The following GALNT2 variants were observed in gnomAD, a reference collection of about 807,000 sequenced individuals.
GALNT2 encodes the protein polypeptide N-acetylgalactosaminyltransferase 2.
Under a neutral mutation model 81.4 loss-of-function variants are expected in GALNT2, and 31 were observed. That is an observed-to-expected ratio of 0.38 (90% CI 0.29 to 0.51). The LOEUF is 0.51. Ranked by LOEUF, GALNT2 falls within the 20% of genes least tolerant of loss-of-function variation. The pLI is 0.87. For synonymous variants in GALNT2, 303 were observed against 287.4 expected (o/e 1.05, Z -0.55); for missense variants, 629 against 765.7 (o/e 0.82, Z 2.11).
intron 3 of GALNT2, among the ~76,000 whole-genome samples, chr1:230,227,542 TATATGCTATATAATACAGCC>T (rs1664752740): frequency 1.3e-5 from 2 of 150,384 alleles, no homozygotes; most frequent in African/African-American, 4.9e-5. Context: ...GCTATATATA[TATATGCTATATAATACAGCC>T]ATATATATAT....
chr1:230,246,150 G>A lies in GALNT2; in HGVS notation c.817G>A (p.Gly273Ser). Residue 273 changes from glycine (G) to serine (S), a missense_variant and splice_region_variant, in exon 8 of 16, where the codon GGT becomes AGT. This residue lies in a region of GALNT2 where 360 missense variants were observed against 492.8 expected (regional missense o/e 0.73). Transcript: ENST00000366672. Reference protein sequence around the residue: ...YVGASADLKGGFDWNLVFKWD... With the variant: ...YVGASADLKGSFDWNLVFKWD... Reference sequence around the variant, plus strand: ...GGGGGCATCTGCTGACTTGAAGGGCGGTAGGTGTCTGTCATGGTGCCCCTG... The same window carrying A: ...GGGGGCATCTGCTGACTTGAAGGGCAGTAGGTGTCTGTCATGGTGCCCCTG... 4 of 1,611,990 alleles carry A rather than the reference G, an allele frequency of 2.5e-6. No homozygotes were observed. Among genetic ancestry groups the A allele is most frequent in the South Asian group, 1.1e-5 (1 of 91,022 alleles).
At chr1:230,165,530 A>G (rs1376966988) in intron 1 of GALNT2, among the ~76,000 whole-genome samples, 2 of 152,228 alleles carry the variant, frequency 1.3e-5, no homozygotes, top group African/African-American at 4.8e-5. Context: ...GTCGCTTTCT[A>G]GTTCTTGATG....
intron 3 of GALNT2, among the ~76,000 whole-genome samples, chr1:230,232,823 AG>A (rs1274918333): frequency 6.6e-6 from 1 of 152,346 alleles, no homozygotes; most frequent in East Asian, 1.9e-4. Flanking sequence ...TCTACTTGTC[AG>A]GAAAGACTTA....
intron 3 of GALNT2, among the ~76,000 whole-genome samples, chr1:230,223,667 C>T (rs973782411): frequency 2.0e-5 from 3 of 152,110 alleles, no homozygotes; most frequent in African/African-American, 4.8e-5. Context: ...GACAGGGTTT[C>T]GCCATATTGG....
chr1:230,158,118 C>T (rs1040622872), intron 1 of GALNT2, among the ~76,000 whole-genome samples: 1 of 152,104 alleles, frequency 6.6e-6, no homozygotes, highest in Admixed American at 6.5e-5. Flanking sequence ...AACTGTGACT[C>T]CAGAGGCATT....
intron 1 of GALNT2, among the ~76,000 whole-genome samples, chr1:230,153,797 C>T (rs1662163601): frequency 6.6e-6 from 1 of 152,306 alleles, no homozygotes; most frequent in Middle Eastern, 3.4e-3. Flanking sequence ...GGCCTCCTGG[C>T]GTGGCCTCGG....
At chr1:230,187,582 A>C (rs1663375150) in intron 2 of GALNT2, among the ~76,000 whole-genome samples, 1 of 152,202 alleles carries the variant, frequency 6.6e-6, no homozygotes, top group African/African-American at 2.4e-5. Flanking sequence ...CAGATGACTT[A>C]AGTGTTAGCT....
At position 230,131,124 on chromosome 1, in the gene GALNT2, G is replaced by GT. The variant is rs570921675; in HGVS notation, c.127-47084dup. Among the ~76,000 whole-genome samples, 660 of 148,278 alleles carry GT rather than the reference G, an allele frequency of 4.5e-3. 2 individuals are homozygous for GT. The highest frequency in any genetic ancestry group is 0.035 in the Middle Eastern group (10 of 286). On this transcript the variant is annotated intron_variant, in intron 1 of 15. Coordinates refer to ENST00000366672, the MANE Select transcript of GALNT2 (RefSeq NM_004481.5). ...CTAAAAAGCTAGGCACAAAACGTTTGTTTTTTTTTTATAAAAATTAAATAC... is the reference window on the plus strand; with the variant it reads ...CTAAAAAGCTAGGCACAAAACGTTTGTTTTTTTTTTTATAAAAATTAAATAC...
intron 2 of GALNT2, among the ~76,000 whole-genome samples, chr1:230,200,149 G>A (rs917384982): frequency 1.4e-5 from 2 of 144,154 alleles, no homozygotes; most frequent in Admixed American, 7.3e-5. Flanking sequence ...TGCAACCTCC[G>A]CCTCCCAGGT....
intron 9 of GALNT2, 81 bp downstream of exon 9, chr1:230,249,352 G>T: frequency 8.0e-7 from 1 of 1,251,126 alleles, no homozygotes; most frequent in Non-Finnish European, 1.1e-6. Context: ...GCACCGCCTG[G>T]AGACCCAGTG....
At chr1:230,211,262 C>G (rs1435889429) in intron 3 of GALNT2, among the ~76,000 whole-genome samples, 1 of 152,146 alleles carries the variant, frequency 6.6e-6, no homozygotes, top group Non-Finnish European at 1.5e-5. Flanking sequence ...CTCTGTATGC[C>G]GCACCACAGG....
In GALNT2 at chr1:230,279,478, C is replaced by A; in HGVS notation, c.*20C>A. 1 of 1,610,770 alleles carries A rather than the reference C, an allele frequency of 6.2e-7. No individual in the cohort carries two copies. Among genetic ancestry groups the A allele is most frequent in the Non-Finnish European group, 8.5e-7 (1 of 1,178,090 alleles). On this transcript the variant is annotated 3_prime_UTR_variant, in exon 16 of 16. Transcript: ENST00000366672. This position sits in a 1 kb window ranked among gnomAD's most constrained non-coding sequence, Gnocchi z 4.6. ...CAGTAGGAGGGTCCGGGAGGCCCTG[C>A]CGTCCTGTCTCCTGCACCATTGGGT...
intron 3 of GALNT2, among the ~76,000 whole-genome samples, chr1:230,234,838 TG>T (rs1347706398): frequency 6.6e-6 from 1 of 152,224 alleles, no homozygotes; most frequent in African/African-American, 2.4e-5. Context: ...TGGGTTCTGC[TG>T]AGCCCGGTAA....
Position 230,279,721 on chromosome 1 carries a change from C to G in GALNT2, c.*263C>G. 1 of 542,134 alleles carries G rather than the reference C, an allele frequency of 1.8e-6. No homozygotes were observed. Among genetic ancestry groups the G allele is most frequent in the Non-Finnish European group, 3.4e-6 (1 of 290,598 alleles). The allele number at this position is 542,134 out of a possible 1,614,324, so 33.6% of individuals were successfully genotyped here. On this transcript the variant is annotated 3_prime_UTR_variant, in exon 16 of 16. Coordinates refer to ENST00000366672, the MANE Select transcript of GALNT2 (RefSeq NM_004481.5). The surrounding 1 kb of genome is among the most constrained non-coding windows in gnomAD (Gnocchi z 4.6). ...GCCGGAGCGCCCCTCTTCCTTCCAGCTTTCACTTCTGCCGGCTCCGCAACT... is the reference window on the plus strand; with the variant it reads ...GCCGGAGCGCCCCTCTTCCTTCCAGGTTTCACTTCTGCCGGCTCCGCAACT...
chr1:230,222,187 C>T (rs540873401), intron 3 of GALNT2, among the ~76,000 whole-genome samples: 79 of 151,954 alleles, frequency 5.2e-4, no homozygotes, highest in African/African-American at 1.8e-3. Flanking sequence ...CCACCACGCC[C>T]GGCTAATTTT....
At chr1:230,194,155 G>A (rs759941369) in intron 2 of GALNT2, among the ~76,000 whole-genome samples, 1 of 152,224 alleles carries the variant, frequency 6.6e-6, no homozygotes, top group Non-Finnish European at 1.5e-5. Context: ...AAAACCTTGT[G>A]CCCTGAATGA....
At position 230,236,693 on chromosome 1, in the gene GALNT2, A is replaced by G. The variant is rs1325567001; in HGVS notation, c.575A>G (p.Lys192Arg). ...GGGGCTCTCTTGGGGAAAATTGAGAAAGTGCGAGTTCTTAGAAATGATCGA... is the reference window on the plus strand; with the variant it reads ...GGGGCTCTCTTGGGGAAAATTGAGAGAGTGCGAGTTCTTAGAAATGATCGA... Reference protein sequence around the residue: ...EDGALLGKIEKVRVLRNDRRE... With the variant: ...EDGALLGKIERVRVLRNDRRE... Residue 192 changes from lysine (K) to arginine (R), a missense_variant, in exon 6 of 16, where the codon AAA (lysine) becomes AGA (arginine). Transcript: ENST00000366672. 6.2e-7 allele frequency: 1 copy of G among 1,613,814 alleles called. No individual in the cohort carries two copies. The highest frequency in any genetic ancestry group is 2.2e-5 in the East Asian group (1 of 44,888).
chr1:230,164,523 G>GTGC (rs10694107), intron 1 of GALNT2, among the ~76,000 whole-genome samples: 129,252 of 150,928 alleles, frequency 0.86, 55,425 homozygotes, highest in East Asian at 0.97. Flanking sequence ...GGACAGCACG[G>GTGC]TCTCTGGGCC....
chr1:230,231,741 A>T (rs1664871956), intron 3 of GALNT2, among the ~76,000 whole-genome samples: 1 of 152,220 alleles, frequency 6.6e-6, no homozygotes, highest in Admixed American at 6.5e-5. Context: ...ACAGATCTTT[A>T]CATGTCCAGT....
Sources: allele counts gnomAD v4.1 joint callset (sites outside exome capture counted in the v4.1 genomes callset), GRCh38; gene constraint gnomAD v4.1.1; regional missense constraint gnomAD v4.1.1; non-coding constraint Gnocchi (gnomAD v3.1); transcripts MANE v1.5; gene names NCBI Gene and HGNC (gene_info 2026-07-23, HGNC 2026-07-21).